The following PRSS55 variants were observed in gnomAD, a reference collection of about 807,000 sequenced individuals.
PRSS55 encodes the protein serine protease 55, also known as probable serine protease UNQ9391/PRO34284.
Under a neutral mutation model 23.6 loss-of-function variants are expected in PRSS55, and 41 were observed. That is an observed-to-expected ratio of 1.74 (90% confidence interval 1.35 to 2.26). PRSS55 has a LOEUF of 2.26. Ranked by LOEUF, PRSS55 falls within the 30% of genes most tolerant of loss-of-function variation. PRSS55 has a pLI of 0.00. For missense variants in PRSS55, 669 were observed against 439.1 expected (o/e 1.52, Z -4.68); for synonymous variants, 262 against 175.5 (o/e 1.49, Z -3.90).
At chr8:10,536,683 CAT>C (rs1812465789) in intron 4 of PRSS55, among the ~76,000 whole-genome samples, 14 of 126,112 alleles carry the variant, frequency 1.1e-4, no homozygotes, top group Admixed American at 4.1e-4. Context: ...ACTACGAAGC[CAT>C]AAAAAAAAAC....
At chr8:10,545,415 T>G (rs920399095) in intron 4 of PRSS55, among the ~76,000 whole-genome samples, 1 of 152,176 alleles carries the variant, frequency 6.6e-6, no homozygotes, top group African/African-American at 2.4e-5. Flanking sequence ...GGCTGCAAAC[T>G]TTATTATTAC....
At chr8:10,543,575 C>T (rs1225031550), downstream of PRSS55, among the ~76,000 whole-genome samples, 6 of 151,216 alleles carry the variant, frequency 4.0e-5, no homozygotes, top group African/African-American at 1.5e-4. Context: ...CTATCTTCCC[C>T]TTTCCCTTAT....
intron 4 of PRSS55, chr8:10,547,412 T>C (rs556372289): frequency 6.6e-6 from 1 of 152,328 alleles, no homozygotes; most frequent in Non-Finnish European, 1.5e-5. Context: ...TCTAGACTTA[T>C]CCCCACCCCG....
chr8:10,544,788 G>A (rs373014389), intron 4 of PRSS55, among the ~76,000 whole-genome samples: 11 of 152,144 alleles, frequency 7.2e-5, no homozygotes, highest in South Asian at 4.2e-4. Flanking sequence ...TTCTTCCTAC[G>A]TAGTCCTATT....
intron 4 of PRSS55, chr8:10,545,014 A>C (rs929507978): frequency 1.7e-5 from 17 of 985,218 alleles, no homozygotes; most frequent in Non-Finnish European, 1.9e-5. Flanking sequence ...CAGCCTCAAC[A>C]AACAGGACAT....
intron 4 of PRSS55, among the ~76,000 whole-genome samples, chr8:10,533,840 G>T (rs945451134): frequency 4.6e-5 from 7 of 152,124 alleles, no homozygotes. Context: ...TGGAGAGGCT[G>T]CCCCATGGAA....
chr8:10,552,291 G>T (rs1812968898), intron 4 of PRSS55, among the ~76,000 whole-genome samples: 1 of 152,180 alleles, frequency 6.6e-6, no homozygotes, highest in Non-Finnish European at 1.5e-5. Context: ...TGTTAATCAT[G>T]GCAAAGCTAC....
chr8:10,538,699 C>A lies in PRSS55; in HGVS notation c.965C>A (p.Ser322Tyr), dbSNP rs1467754837. The A allele has an allele frequency of 6.2e-7, 1 of 1,614,114 alleles. No homozygotes were observed. The highest frequency in any genetic ancestry group is 2.2e-5 in the East Asian group (1 of 44,878). ...TCTGTCAAACAGAAACCTATGGGCT[C>A]CCCAGTCTCGGGAGTCCCAGAGCCA... is the stretch of plus-strand genomic sequence containing the variant. The part of the protein sequence containing the change: ...RTSVKQKPMG[S>Y]PVSGVPEPGS... The change falls in exon 5 of 5, where the codon TCC becomes TAC. Residue 322 changes from serine to tyrosine, a missense_variant. Coordinates refer to ENST00000328655, the MANE Select transcript of PRSS55 (RefSeq NM_198464.4).
chr8:10,547,875 C>T (rs1309682790), intron 4 of PRSS55, among the ~76,000 whole-genome samples: 1 of 152,082 alleles, frequency 6.6e-6, no homozygotes, highest in African/African-American at 2.4e-5. Flanking sequence ...GTCACGCCCT[C>T]AGAAGCCGAC....
intron 4 of PRSS55, among the ~76,000 whole-genome samples, chr8:10,549,990 G>A (rs1212118477): frequency 6.6e-6 from 1 of 152,152 alleles, no homozygotes; most frequent in Non-Finnish European, 1.5e-5. Flanking sequence ...TGTGATCTCA[G>A]CTCACTGCAG....
intron 4 of PRSS55, among the ~76,000 whole-genome samples, chr8:10,536,540 T>C (rs562550317): frequency 5.9e-5 from 9 of 152,306 alleles, no homozygotes; most frequent in African/African-American, 2.2e-4. Context: ...ATATAAATTA[T>C]TCTACCAAGA....
chr8:10,548,481 C>T (rs528232860), intron 4 of PRSS55, among the ~76,000 whole-genome samples: 2 of 152,084 alleles, frequency 1.3e-5, no homozygotes, highest in African/African-American at 2.4e-5. Flanking sequence ...GCATTGCATC[C>T]GATGGGCTGT....
At chr8:10,542,202 C>G (rs1812675653), downstream of PRSS55, among the ~76,000 whole-genome samples, 1 of 151,998 alleles carries the variant, frequency 6.6e-6, no homozygotes, top group Non-Finnish European at 1.5e-5. Context: ...GTTTTCATAC[C>G]TAGAGTCACA....
intron 4 of PRSS55, among the ~76,000 whole-genome samples, chr8:10,548,920 G>A (rs1377767779): frequency 2.6e-5 from 4 of 151,892 alleles, no homozygotes; most frequent in East Asian, 1.9e-4. Flanking sequence ...TCAAAAGCAG[G>A]GGTCCGACTG....
In PRSS55 at chr8:10,538,672, C is replaced by A. The variant is rs759444299; in HGVS notation, c.938C>A (p.Thr313Asn). 6.2e-7 allele frequency: 1 copy of A among 1,614,174 alleles called. No individual in the cohort carries two copies. The highest frequency in any genetic ancestry group is 8.5e-7 in the Non-Finnish European group (1 of 1,180,018). ...GRPFNAEKRR[T>N]SVKQKPMGSP... Reference sequence around the variant, plus strand: ...CCCTTCAATGCAGAGAAAAGGAGGACTTCTGTCAAACAGAAACCTATGGGC... The same window carrying A: ...CCCTTCAATGCAGAGAAAAGGAGGAATTCTGTCAAACAGAAACCTATGGGC... Residue 313 changes from threonine (T) to asparagine (N), a missense_variant, in exon 5 of 5, where the codon ACT becomes AAT. Physicochemically the swap from Thr to Asn is moderately conservative, Grantham distance 65 (BLOSUM62 0). Transcript: ENST00000328655.
At chr8:10,535,909 G>T (rs562328711) in intron 4 of PRSS55, among the ~76,000 whole-genome samples, 4 of 152,320 alleles carry the variant, frequency 2.6e-5, no homozygotes, top group African/African-American at 9.6e-5. Context: ...CAGAGGGGCC[G>T]GGAGCGGTGG....
chr8:10,541,047 A>C (rs1041534505), downstream of PRSS55: 2 of 152,510 alleles, frequency 1.3e-5, no homozygotes, highest in African/African-American at 4.8e-5. Flanking sequence ...CCTGGCCTAG[A>C]AGGACATTGA....
intron 4 of PRSS55, among the ~76,000 whole-genome samples, chr8:10,545,597 C>T (rs868109825): frequency 6.6e-6 from 1 of 152,176 alleles, no homozygotes. Context: ...ACTTTAATCA[C>T]CAAGAAATAG....
chr8:10,531,643 A>G, intron 3 of PRSS55, 98 bp downstream of exon 3: 1 of 1,518,358 alleles, frequency 6.6e-7, no homozygotes, highest in South Asian at 1.3e-5. Context: ...CTTGCATTGG[A>G]GCAGATTCCC....
Sources: gnomAD v4.1 joint callset for allele counts (sites outside exome capture counted in the v4.1 genomes callset) on GRCh38, gnomAD v4.1.1 for gene constraint, MANE v1.5 for transcripts, NCBI Gene and HGNC (gene_info 2026-07-23, HGNC 2026-07-21) for gene names.